NDRG3: variants seen among roughly 807,000 people sequenced by gnomAD.
The protein encoded by NDRG3 is protein NDRG3.
In NDRG3, 23 loss-of-function variants were observed where a neutral mutation model predicts 57.2. The ratio of observed to expected loss-of-function variants is 0.40; its 90% confidence interval spans 0.29 to 0.57. The LOEUF (loss-of-function observed/expected upper bound fraction) is 0.57, where lower values mean the gene tolerates loss of function less well. Among genes scored for constraint, NDRG3 ranks in the 20% least tolerant of loss-of-function variants. The pLI is 0.42. For missense variants in NDRG3, 384 were observed against 457.3 expected, an observed-to-expected ratio of 0.84 and a Z score of 1.46; for synonymous variants, 132 against 162.6, an observed-to-expected ratio of 0.81 and a Z score of 1.43.
At chr20:36,665,876 A>T (rs1040497593) in intron 10 of NDRG3, among the ~76,000 whole-genome samples, 1 of 152,182 alleles carries the variant, frequency 6.6e-6, no homozygotes, top group African/African-American at 2.4e-5. Context: ...GATTATAGGC[A>T]TGAGCCACCA....
chr20:36,739,306 G>T (rs1985793011), intron 1 of NDRG3, among the ~76,000 whole-genome samples: 1 of 151,068 alleles, frequency 6.6e-6, no homozygotes, highest in African/African-American at 2.4e-5. Flanking sequence ...AATGAGCCAG[G>T]TGTGGTGGCA....
intron 8 of NDRG3, among the ~76,000 whole-genome samples, chr20:36,676,716 G>A (rs753474164): frequency 1.3e-5 from 2 of 152,228 alleles, no homozygotes; most frequent in Admixed American, 1.3e-4. Flanking sequence ...ACTCACCTCC[G>A]CCTCCCAAAG....
intron 8 of NDRG3, among the ~76,000 whole-genome samples, chr20:36,674,883 C>T (rs1269746134): frequency 7.1e-6 from 1 of 140,822 alleles, no homozygotes; most frequent in African/African-American, 2.6e-5. Flanking sequence ...CATGCCCAGC[C>T]AGATTTTTTT....
chr20:36,678,465 G>A (rs539329051), intron 8 of NDRG3, among the ~76,000 whole-genome samples: 4 of 152,236 alleles, frequency 2.6e-5, no homozygotes, highest in African/African-American at 4.8e-5. Context: ...GGTGGATCAC[G>A]AGGTCAGGAG....
intron 3 of NDRG3, among the ~76,000 whole-genome samples, chr20:36,702,007 T>C (rs1983261292): frequency 6.6e-6 from 1 of 152,218 alleles, no homozygotes; most frequent in Non-Finnish European, 1.5e-5. Flanking sequence ...ACTTGTCCCA[T>C]ATTTCTAAAC....
At chr20:36,715,558 C>CTATA (rs1233493744) in intron 2 of NDRG3, among the ~76,000 whole-genome samples, 5 of 151,004 alleles carry the variant, frequency 3.3e-5, no homozygotes, top group Non-Finnish European at 7.4e-5. Flanking sequence ...TAGCTCATGC[C>CTATA]TATAATACCA....
chr20:36,696,107 T>C (rs1982764698), intron 3 of NDRG3, among the ~76,000 whole-genome samples: 1 of 152,190 alleles, frequency 6.6e-6, no homozygotes, highest in Non-Finnish European at 1.5e-5. Flanking sequence ...CAACTTTGTT[T>C]TTTTTTGAGA....
At chr20:36,696,091 G>A (rs964886496) in intron 3 of NDRG3, among the ~76,000 whole-genome samples, 1 of 152,128 alleles carries the variant, frequency 6.6e-6, no homozygotes, top group African/African-American at 2.4e-5. Flanking sequence ...AGCCCAGGCT[G>A]GCCTTCAACT....
chr20:36,669,499 G>A (rs1979952820), intron 9 of NDRG3, among the ~76,000 whole-genome samples: 1 of 151,804 alleles, frequency 6.6e-6, no homozygotes. Flanking sequence ...CAAAGTGCTG[G>A]GATTACAGGC....
chr20:36,741,045 C>A (rs979567004), intron 1 of NDRG3, among the ~76,000 whole-genome samples: 1 of 152,106 alleles, frequency 6.6e-6, no homozygotes, highest in Non-Finnish European at 1.5e-5. Context: ...TGCAGTAAAC[C>A]CAAAATGTTA....
At chr20:36,743,047 T>C (rs958079958) in intron 1 of NDRG3, among the ~76,000 whole-genome samples, 5 of 152,162 alleles carry the variant, frequency 3.3e-5, no homozygotes, top group African/African-American at 1.2e-4. Flanking sequence ...TAAAAATGGA[T>C]TTCTCATGCA....
intron 13 of NDRG3, among the ~76,000 whole-genome samples, chr20:36,658,382 G>GGGATTACA (rs1482797374): frequency 2.0e-5 from 3 of 152,134 alleles, no homozygotes. Context: ...CCAAAGTGCT[G>GGGATTACA]GGATTACAGG....
chr20:36,667,891 A>G (rs1979771560), intron 9 of NDRG3, among the ~76,000 whole-genome samples: 1 of 152,184 alleles, frequency 6.6e-6, no homozygotes, highest in Non-Finnish European at 1.5e-5. Context: ...CACTACTAGA[A>G]AACTTTGTGA....
intron 1 of NDRG3, among the ~76,000 whole-genome samples, chr20:36,734,443 G>C (rs1336024108): frequency 1.3e-5 from 2 of 152,198 alleles, no homozygotes; most frequent in African/African-American, 4.8e-5. Context: ...CTCTGCTTAA[G>C]CAGTTAGGAT....
At chr20:36,679,720 T>C (rs531757561) in intron 8 of NDRG3, among the ~76,000 whole-genome samples, 1 of 151,800 alleles carries the variant, frequency 6.6e-6, no homozygotes, top group African/African-American at 2.4e-5. Context: ...GCCAGGCTGG[T>C]CTTGAACTCC....
chr20:36,719,384 G>A (rs886718198), intron 2 of NDRG3, among the ~76,000 whole-genome samples: 7 of 141,800 alleles, frequency 4.9e-5, no homozygotes, highest in East Asian at 4.2e-4. Context: ...CCAAGATCAC[G>A]CCACTGCACT....
chr20:36,743,868 A>G (rs993893683), intron 1 of NDRG3, among the ~76,000 whole-genome samples: 2 of 151,100 alleles, frequency 1.3e-5, no homozygotes, highest in African/African-American at 4.9e-5. Flanking sequence ...AAAGCAGCTC[A>G]ATCGTGAGTG....
chr20:36,725,926 CTTTTT>C (rs35120120), intron 1 of NDRG3, among the ~76,000 whole-genome samples: 14 of 123,628 alleles, frequency 1.1e-4, no homozygotes, highest in African/African-American at 4.2e-4. Flanking sequence ...CCTAGTGTTC[CTTTTT>C]TTTTTTTTTT....
chr20:36,740,114 T>C (rs2148233450), intron 1 of NDRG3, among the ~76,000 whole-genome samples: 2 of 152,208 alleles, frequency 1.3e-5, no homozygotes, highest in Middle Eastern at 3.4e-3. Flanking sequence ...CCACTGTACT[T>C]AGAAAATTAA....
Sources: gnomAD v4.1 joint callset for allele counts (sites outside exome capture counted in the v4.1 genomes callset) on GRCh38, gnomAD v4.1.1 for gene constraint, MANE v1.5 for transcripts, NCBI Gene and HGNC (gene_info 2026-07-23, HGNC 2026-07-21) for gene names.